The following DNAH5 variants were observed in gnomAD, a reference collection of about 807,000 sequenced individuals.
The protein encoded by DNAH5 is dynein axonemal heavy chain 5.
In DNAH5, 372 loss-of-function variants were observed where a neutral mutation model predicts 518.2. That is an observed-to-expected ratio of 0.72 (90% CI 0.66 to 0.78). The LOEUF (loss-of-function observed/expected upper bound fraction) is 0.78, where lower values mean the gene tolerates loss of function less well. Ranked by LOEUF, DNAH5 falls within the 30% of genes least tolerant of loss-of-function variation. DNAH5 has a pLI of 0.00. For synonymous variants in DNAH5, 2,039 were observed against 2,025.9 expected (o/e 1.01, Z -0.17); for missense variants, 5,523 against 5,687.0 (o/e 0.97, Z 0.93).
rs1769950599 is a variant in DNAH5 at position 13,870,633 on chromosome 5, C to T, written c.3834+134G>A. On this transcript the variant is annotated intron_variant, in intron 24 of 78. Coordinates refer to ENST00000265104, the MANE Select transcript of DNAH5 (RefSeq NM_001369.3). The stretch of plus-strand genomic sequence containing the variant: ...AGGCAATGCTATAGGGGTTCGGTAT[C>T]ATCAACAATATTGAAATTATTGTCT... The T allele has an allele frequency of 5.7e-6, 5 of 871,016 alleles. No individual in the cohort carries two copies. In the South Asian group the frequency reaches 7.4e-5, roughly 13 times the overall value. The allele number at this position is 871,016 out of a possible 1,614,324, so 54.0% of individuals were successfully genotyped here.
chr5:13,950,183 C>A (rs927611666), intron 1 of DNAH5, among the ~76,000 whole-genome samples: 4 of 152,170 alleles, frequency 2.6e-5, no homozygotes, highest in East Asian at 1.9e-4. Context: ...TTAAACACTG[C>A]AGTACTGTTA....
intron 47 of DNAH5, among the ~76,000 whole-genome samples, chr5:13,804,195 C>G (rs2126976090): frequency 1.3e-5 from 2 of 152,050 alleles, no homozygotes; most frequent in East Asian, 1.9e-4. Context: ...AATTTTTGTC[C>G]AAACTTTTGA....
chr5:13,921,974 A>G, intron 5 of DNAH5, 133 bp downstream of exon 5: 3 of 888,440 alleles, frequency 3.4e-6, no homozygotes, highest in Non-Finnish European at 5.5e-6. Flanking sequence ...GGAGCAATAA[A>G]ATTGCCTACA....
chr5:13,956,359 G>A (rs907817209), intron 1 of DNAH5, among the ~76,000 whole-genome samples: 6 of 152,082 alleles, frequency 3.9e-5, no homozygotes, highest in Admixed American at 6.5e-5. Flanking sequence ...TATGTTGAAT[G>A]GTAATTTTTA....
chr5:13,817,176 C>A (rs1580397455), intron 42 of DNAH5, among the ~76,000 whole-genome samples: 1 of 152,302 alleles, frequency 6.6e-6, no homozygotes, highest in East Asian at 1.9e-4. Flanking sequence ...GAAATCAATT[C>A]TTTAAAAATA....
intron 11 of DNAH5, among the ~76,000 whole-genome samples, chr5:13,911,726 A>G (rs1439490906): frequency 6.6e-6 from 1 of 152,152 alleles, no homozygotes; most frequent in African/African-American, 2.4e-5. Context: ...TGTTTTATGT[A>G]TTTTTGAAAA....
At chr5:13,876,160 T>C (rs969107547) in intron 22 of DNAH5, among the ~76,000 whole-genome samples, 4 of 152,158 alleles carry the variant, frequency 2.6e-5, no homozygotes, top group African/African-American at 9.7e-5. Context: ...AAAGAAAAAA[T>C]TGCCTTGAAT....
In DNAH5 at chr5:13,810,182, G is replaced by T. The variant is rs371981878; in HGVS notation, c.7486C>A (p.Leu2496Met). Residue 2496 changes from leucine (L) to methionine (M), a missense_variant, in exon 45 of 79, where the codon CTG (leucine) becomes ATG (methionine). This residue lies in a region of DNAH5 where 5,121 missense variants were observed against 5,223.3 expected (regional missense o/e 0.98). Transcript: ENST00000265104. ...AGGCGGCGCCGTCCGTCCAGCTCCA[G>T]CGCCGCCCCCGCGCTCCACAGCAGC... is the stretch of plus-strand genomic sequence containing the variant. ...FALLWSAGAA[L>M]ELDGRRRLEL... The T allele has an allele frequency of 1.9e-6, 3 of 1,549,018 alleles. No individual in the cohort carries two copies. Among genetic ancestry groups the T allele is most frequent in the South Asian group, 1.2e-5 (1 of 83,976 alleles).
intron 1 of DNAH5, among the ~76,000 whole-genome samples, chr5:13,989,193 A>C (rs1331363536): frequency 6.6e-6 from 1 of 152,170 alleles, no homozygotes; most frequent in Non-Finnish European, 1.5e-5. Context: ...TGATAACAAC[A>C]GTGGGTGGAA....
intron 1 of DNAH5, among the ~76,000 whole-genome samples, chr5:13,964,038 G>A (rs1781369448): frequency 6.6e-6 from 1 of 152,124 alleles, no homozygotes; most frequent in Admixed American, 6.5e-5. Context: ...CCGATCCCTG[G>A]CCACCTCTAC....
chr5:13,813,442 T>C (rs1760988494), intron 43 of DNAH5, among the ~76,000 whole-genome samples: 1 of 141,082 alleles, frequency 7.1e-6, no homozygotes, highest in Non-Finnish European at 1.5e-5. Context: ...AAAAAAAATG[T>C]TGTGGCACTT....
intron 30 of DNAH5, among the ~76,000 whole-genome samples, chr5:13,854,802 G>A (rs894821844): frequency 3.9e-5 from 6 of 152,148 alleles, no homozygotes; most frequent in African/African-American, 1.4e-4. Flanking sequence ...AGGGATCAAC[G>A]CAATGAGAAG....
At chr5:13,820,544 G>A (rs776325771) in intron 40 of DNAH5, 45 bp from the exon 41 acceptor site, 17 of 1,607,566 alleles carry the variant, frequency 1.1e-5, no homozygotes, top group Non-Finnish European at 1.4e-5. Context: ...AACAATGATG[G>A]CCGGACACGG....
chr5:13,873,618 T>C (rs1770451033), intron 22 of DNAH5, among the ~76,000 whole-genome samples: 1 of 152,040 alleles, frequency 6.6e-6, no homozygotes, highest in Non-Finnish European at 1.5e-5. Context: ...AATTGTATCA[T>C]CTACAAATAA....
intron 50 of DNAH5, 140 bp downstream of exon 50, chr5:13,791,854 T>A (rs771493065): frequency 5.9e-6 from 4 of 674,398 alleles, no homozygotes; most frequent in Non-Finnish European, 1.0e-5. Flanking sequence ...ATTATGTTAG[T>A]TTAAAAGCAG....
intron 74 of DNAH5, 45 bp downstream of exon 74, chr5:13,716,442 G>C: frequency 1.4e-6 from 2 of 1,406,866 alleles, no homozygotes; most frequent in Non-Finnish European, 1.0e-6. Flanking sequence ...AACTCAAGTG[G>C]CTACAGATAT....
intron 30 of DNAH5, among the ~76,000 whole-genome samples, chr5:13,856,041 G>T (rs1223995545): frequency 6.6e-6 from 1 of 152,206 alleles, no homozygotes; most frequent in Non-Finnish European, 1.5e-5. Context: ...ACAGGAGAAA[G>T]TGGAAAAGAT....
chr5:13,842,341 T>C (rs751565908), intron 32 of DNAH5, among the ~76,000 whole-genome samples: 12 of 150,302 alleles, frequency 8.0e-5, no homozygotes, highest in Non-Finnish European at 3.0e-5. Context: ...GATCATGCCA[T>C]TGCACTCCAG....
In DNAH5 at chr5:13,885,156, G is replaced by A. The variant is rs769689167; in HGVS notation, c.2816C>T (p.Thr939Met). 82 of 1,614,150 alleles carry A rather than the reference G, an allele frequency of 5.1e-5. 1 individual carries two copies. In the South Asian group the frequency reaches 6.9e-4, roughly 14 times the overall value. Residue 939 changes from threonine to methionine, a missense_variant, in exon 19 of 79, where the codon ACG becomes ATG. By Grantham distance (81) the Thr-to-Met change is moderately conservative. This residue lies in a region of DNAH5 where 5,121 missense variants were observed against 5,223.3 expected (regional missense o/e 0.98). Transcript: ENST00000265104. ...INARANALLL[T>M]TVTRKKKETE... is the part of the protein sequence containing the mutation. ...TTCTTTCTTTTTCCTCGTGACTGTC[G>A]TCAAAAGCAGGGCATTGGCCCTGGC...
Sources: gnomAD v4.1 joint callset for allele counts (sites outside exome capture counted in the v4.1 genomes callset) on GRCh38, gnomAD v4.1.1 for gene constraint, gnomAD v4.1.1 regional missense constraint, MANE v1.5 for transcripts, NCBI Gene and HGNC (gene_info 2026-07-23, HGNC 2026-07-21) for gene names.